The following SND1 variants were observed in gnomAD, a reference collection of about 807,000 sequenced individuals.
The protein encoded by SND1 is staphylococcal nuclease and tudor domain containing 1, also known as staphylococcal nuclease domain-containing protein 1.
A neutral mutation model predicts 121.7 loss-of-function variants in SND1; 38 were observed. The ratio of observed to expected loss-of-function variants is 0.31; its 90% CI spans 0.24 to 0.41. The LOEUF (loss-of-function observed/expected upper bound fraction) is 0.41. SND1 is among the 10% of genes least tolerant of loss of function. SND1 has a pLI of 1.00. For missense variants in SND1, 868 were observed against 1,184.6 expected (o/e 0.73, Z 3.92); for synonymous variants, 401 against 447.4 (o/e 0.90, Z 1.31).
chr7:127,795,750 A>C (rs1338421225), intron 10 of SND1, among the ~76,000 whole-genome samples: 62 of 152,216 alleles, frequency 4.1e-4, no homozygotes, highest in Admixed American at 6.5e-5. Context: ...GCAGGCTGCC[A>C]AGAGTACTAC....
chr7:128,021,137 G>T (rs980620025), intron 16 of SND1, among the ~76,000 whole-genome samples: 2 of 152,198 alleles, frequency 1.3e-5, no homozygotes, highest in African/African-American at 4.8e-5. Context: ...GTGTCAGAAG[G>T]ATGCCATTGT....
intron 14 of SND1, among the ~76,000 whole-genome samples, chr7:127,926,261 A>G (rs1800830516): frequency 6.6e-6 from 1 of 152,064 alleles, no homozygotes; most frequent in African/African-American, 2.4e-5. Context: ...AAAGACATAC[A>G]CTTTTGTGTG....
chr7:127,991,390 G>A (rs538376118), intron 16 of SND1, among the ~76,000 whole-genome samples: 6 of 152,260 alleles, frequency 3.9e-5, no homozygotes, highest in South Asian at 4.1e-4. Flanking sequence ...TTAGAAGCTT[G>A]ACTAACCCTG....
intron 10 of SND1, among the ~76,000 whole-genome samples, chr7:127,740,524 G>A (rs760407292): frequency 1.2e-4 from 18 of 152,178 alleles, no homozygotes; most frequent in Non-Finnish European, 1.9e-4. Flanking sequence ...TGACTCTGTA[G>A]CAACATGGCT....
chr7:127,772,257 C>G (rs1797525704), intron 10 of SND1, among the ~76,000 whole-genome samples: 1 of 152,142 alleles, frequency 6.6e-6, no homozygotes, highest in Non-Finnish European at 1.5e-5. Flanking sequence ...TCTCACTAGC[C>G]AAAATTAGAT....
chr7:127,850,957 A>G (rs1799154955), intron 12 of SND1, among the ~76,000 whole-genome samples: 1 of 152,254 alleles, frequency 6.6e-6, no homozygotes, highest in African/African-American at 2.4e-5. Flanking sequence ...CACAGGGTTC[A>G]GGATTACAGT....
At chr7:127,702,882 G>A (rs935350242) in intron 6 of SND1, among the ~76,000 whole-genome samples, 3 of 152,108 alleles carry the variant, frequency 2.0e-5, no homozygotes, top group Non-Finnish European at 2.9e-5. Context: ...TAAAAGCTGA[G>A]CACTGGCAAG....
intron 16 of SND1, among the ~76,000 whole-genome samples, chr7:128,049,423 C>T (rs905409375): frequency 7.9e-5 from 12 of 152,158 alleles, no homozygotes; most frequent in African/African-American, 2.2e-4. Flanking sequence ...CAAGGCCTCC[C>T]GACAAGGACA....
intron 9 of SND1, among the ~76,000 whole-genome samples, chr7:127,720,744 G>A (rs1796480341): frequency 1.3e-5 from 2 of 152,154 alleles, no homozygotes; most frequent in African/African-American, 2.4e-5. Flanking sequence ...TCATGTTTCT[G>A]CCTGTGAGAT....
Position 127,686,653 on chromosome 7 carries a change from G to T in SND1, c.119G>T (p.Arg40Leu), listed in dbSNP as rs773076395. ...GCCATCATTGTCCGAGGTCAGCCTC[G>T]TGGTGGGCCTCCTCCTGAGCGGCAG... ...GCAIIVRGQPRGGPPPERQIN... is the reference protein window; with the variant it reads ...GCAIIVRGQPLGGPPPERQIN... The change falls in exon 2 of 24, where the codon CGT (arginine) becomes CTT (leucine). Residue 40 changes from arginine to leucine, a missense_variant. By Grantham distance (102) the Arg-to-Leu change is moderately radical. Transcript: ENST00000354725. 4 of 1,614,118 alleles carry T rather than the reference G, an allele frequency of 2.5e-6. No individual in the cohort carries two copies. The highest frequency in any genetic ancestry group is 4.5e-5 in the East Asian group (2 of 44,876).
At chr7:127,795,964 T>C (rs1798014506) in intron 10 of SND1, among the ~76,000 whole-genome samples, 1 of 152,100 alleles carries the variant, frequency 6.6e-6, no homozygotes, top group Non-Finnish European at 1.5e-5. Flanking sequence ...TTCACGCCAT[T>C]GTCCTGCCTC....
At chr7:127,976,461 C>A (rs1048926214) in intron 15 of SND1, among the ~76,000 whole-genome samples, 1 of 152,226 alleles carries the variant, frequency 6.6e-6, no homozygotes, top group Non-Finnish European at 1.5e-5. Flanking sequence ...AGCTTTGTGT[C>A]CAGCATGACA....
intron 12 of SND1, among the ~76,000 whole-genome samples, chr7:127,864,701 A>G (rs192953930): frequency 1.0e-3 from 156 of 152,212 alleles, no homozygotes; most frequent in Non-Finnish European, 1.8e-3. Flanking sequence ...ATATGATCTA[A>G]TTGAAGGCAC....
chr7:127,929,944 G>C (rs189260742), intron 15 of SND1, among the ~76,000 whole-genome samples: 1 of 152,192 alleles, frequency 6.6e-6, no homozygotes, highest in South Asian at 2.1e-4. Flanking sequence ...TTTTCTGGTA[G>C]CTTAATATTT....
chr7:127,853,417 G>T (rs1799211209), intron 12 of SND1, among the ~76,000 whole-genome samples: 1 of 152,110 alleles, frequency 6.6e-6, no homozygotes, highest in Non-Finnish European at 1.5e-5. Context: ...CTATTTTGTG[G>T]CTTTGAGAAC....
chr7:127,819,436 A>G lies in SND1; in HGVS notation c.1242+11863A>G, dbSNP rs1211906160. ...AGATGATCTTACTAAGGTATCCAGAAAGACTCAATTTGTCTTCCTGGTATT... is the reference window on the plus strand; with the variant it reads ...AGATGATCTTACTAAGGTATCCAGAGAGACTCAATTTGTCTTCCTGGTATT... On this transcript the variant is annotated intron_variant, in intron 11 of 23. Transcript: ENST00000354725. 2.0e-5 allele frequency among the ~76,000 whole-genome samples: 3 copies of G among 152,236 alleles called. No homozygotes were observed. In the East Asian group the frequency reaches 5.8e-4, roughly 29 times the overall value.
chr7:127,994,073 G>A (rs1276947356), intron 16 of SND1, among the ~76,000 whole-genome samples: 2 of 152,240 alleles, frequency 1.3e-5, no homozygotes, highest in African/African-American at 4.8e-5. Flanking sequence ...CCGTGCAGGA[G>A]TTCCTGCCTG....
At chr7:128,045,253 C>T (rs1792926302) in intron 16 of SND1, among the ~76,000 whole-genome samples, 1 of 152,192 alleles carries the variant, frequency 6.6e-6, no homozygotes, top group Non-Finnish European at 1.5e-5. Context: ...TCCATGGACC[C>T]TGGCTGTGCC....
At chr7:127,931,314 A>G (rs1800952359) in intron 15 of SND1, among the ~76,000 whole-genome samples, 1 of 152,226 alleles carries the variant, frequency 6.6e-6, no homozygotes. Flanking sequence ...ACCAGTCACA[A>G]TATTTCCTTA....
Sources: allele counts gnomAD v4.1 joint callset (sites outside exome capture counted in the v4.1 genomes callset), GRCh38; gene constraint gnomAD v4.1.1; transcripts MANE v1.5; gene names NCBI Gene and HGNC (gene_info 2026-07-23, HGNC 2026-07-21).